MGA: variants seen among roughly 807,000 people sequenced by gnomAD.
MGA encodes the protein MAX dimerization protein MGA, also known as MAX gene-associated protein.
MGA carries 40 observed loss-of-function variants against 261.1 expected under a neutral mutation model. That is an observed-to-expected ratio of 0.15 (90% CI 0.12 to 0.20). The LOEUF (loss-of-function observed/expected upper bound fraction) is 0.20, where lower values mean the gene tolerates loss of function less well. Among genes scored for constraint, MGA ranks in the 10% least tolerant of loss-of-function variants. The probability of loss-of-function intolerance (pLI) is 1.00; values close to 1 mark genes in which losing one functional copy is unlikely to be tolerated. For missense variants in MGA, 3,397 were observed against 3,630.5 expected, an observed-to-expected ratio of 0.94 and a Z score of 1.65; for synonymous variants, 1,302 against 1,290.6, an observed-to-expected ratio of 1.01 and a Z score of -0.19.
upstream of MGA, among the ~76,000 whole-genome samples, chr15:41,656,405 G>T (rs1036146472): frequency 8.8e-6 from 1 of 113,550 alleles, no homozygotes; most frequent in Non-Finnish European, 1.9e-5. Context: ...GCAGTGGCAT[G>T]ATCTTGACTC....
chr15:41,734,671 C>A, intron 12 of MGA, 77 bp downstream of exon 12: 1 of 1,097,536 alleles, frequency 9.1e-7, no homozygotes, highest in Non-Finnish European at 1.3e-6. Flanking sequence ...GGAGAAAACC[C>A]AAACCATCAA....
At chr15:41,761,955 A>G (rs2063483044) in intron 21 of MGA, 105 bp downstream of exon 21, 1 of 1,035,998 alleles carries the variant, frequency 9.7e-7, no homozygotes, top group Non-Finnish European at 1.4e-6. Flanking sequence ...TGGCTCCCAC[A>G]GTTTACAGCA....
chr15:41,718,585 A>AG, intron 9 of MGA: 1 of 363,438 alleles, frequency 2.8e-6, no homozygotes, highest in Non-Finnish European at 5.3e-6. Flanking sequence ...TGCTTCTCGA[A>AG]GTGAGCATCA....
chr15:41,766,156 G>T lies in MGA; in HGVS notation c.8074G>T (p.Asp2692Tyr). The T allele has an allele frequency of 6.2e-7, 1 of 1,614,020 alleles. No individual in the cohort carries two copies. The highest frequency in any genetic ancestry group is 8.5e-7 in the Non-Finnish European group (1 of 1,179,896). The change falls in exon 24 of 24, where the codon GAT (aspartate) becomes TAT (tyrosine). Residue 2692 changes from aspartate (D) to tyrosine (Y), a missense_variant. By Grantham distance (160) the Asp-to-Tyr change is radical (BLOSUM62 -3). Coordinates refer to ENST00000219905, the MANE Select transcript of MGA (RefSeq NM_001164273.2). ...TCTGAAAGACACCGTCAGGAATGAA[G>T]ATAATTCCTTAGAGGATAAGGGTAG...
chr15:41,700,981 A>G (rs918075359), intron 5 of MGA, among the ~76,000 whole-genome samples: 6 of 152,214 alleles, frequency 3.9e-5, no homozygotes, highest in African/African-American at 1.4e-4. Flanking sequence ...CTTTAATGGA[A>G]GGCAGCTTGT....
chr15:41,641,903 C>T (rs2056829551), intron 1 of MGA, among the ~76,000 whole-genome samples: 3 of 152,012 alleles, frequency 2.0e-5, no homozygotes, highest in African/African-American at 7.3e-5. Context: ...TCAAGCAATC[C>T]TCCTGACTCA....
At position 41,711,447 on chromosome 15, in the gene MGA, C is replaced by T. The variant is rs148932422; in HGVS notation, c.3084+98C>T. 8.8e-5 allele frequency: 112 copies of T among 1,275,776 alleles called. 1 individual carries two copies. The East Asian group carries it at 2.7e-3, about 31-fold the overall frequency. The allele number at this position is 1,275,776 out of a possible 1,614,324, so 79.0% of individuals were successfully genotyped here. A position where few individuals can be genotyped will look rare whatever the true frequency, so the allele number is the denominator to read the frequency against. On this transcript the variant is annotated intron_variant, in intron 8 of 23. Transcript: ENST00000219905. ...GAATGGTACTTTTTGGCAGGGTGAT[C>T]AGCTAGTTTTTAGCATTTAGAACCT...
intron 2 of MGA, among the ~76,000 whole-genome samples, chr15:41,688,164 C>T (rs570500149): frequency 6.6e-6 from 1 of 152,262 alleles, no homozygotes; most frequent in African/African-American, 2.4e-5. Context: ...CAACATCTGC[C>T]TCCCGGGTTC....
intron 2 of MGA, among the ~76,000 whole-genome samples, chr15:41,677,128 A>G (rs926687848): frequency 1.3e-5 from 2 of 152,088 alleles, no homozygotes; most frequent in Non-Finnish European, 2.9e-5. Flanking sequence ...TTCTATTGTG[A>G]ATAATGGAGT....
At position 41,766,363 on chromosome 15, in the gene MGA, A is replaced by G. The variant is rs117344673; in HGVS notation, c.8281A>G (p.Ser2761Gly). The change falls in exon 24 of 24, where the codon AGT becomes GGT. Residue 2761 changes from serine to glycine, a missense_variant. Ser to Gly is a moderately conservative substitution (Grantham distance 56). Around this residue, in one of 9 missense-constraint regions of MGA, gnomAD observed 647 missense variants for 642.4 expected, o/e 1.01. Coordinates refer to ENST00000219905, the MANE Select transcript of MGA (RefSeq NM_001164273.2). ...AGGGATTCAGTATAAATGGAAAGAG[A>G]GTGAATCAAGAGGGGAGAGAGTGAA... 124 of 1,613,994 alleles carry G rather than the reference A, an allele frequency of 7.7e-5. No homozygotes were observed. The East Asian group carries it at 2.7e-3, about 35-fold the overall frequency.
chr15:41,766,265 C>T lies in MGA; in HGVS notation c.8183C>T (p.Pro2728Leu). 2 of 1,613,904 alleles carry T rather than the reference C, an allele frequency of 1.2e-6. No individual in the cohort carries two copies. The highest frequency in any genetic ancestry group is 1.7e-6 in the Non-Finnish European group (2 of 1,179,864). The change falls in exon 24 of 24, where the codon CCA becomes CTA. Residue 2728 changes from proline to leucine, a missense_variant. Coordinates refer to ENST00000219905, the MANE Select transcript of MGA (RefSeq NM_001164273.2). ...CTGGCAAACAAAGATTCTGGTTATC[C>T]ACAAATAGTTGACGTTTCCAATATG...
intron 17 of MGA, chr15:41,752,348 A>G (rs1010072045): frequency 2.0e-5 from 3 of 152,102 alleles, no homozygotes; most frequent in African/African-American, 7.2e-5. Context: ...TTTGACTTAT[A>G]CCTTCTCTCC....
chr15:41,641,487 CTTTTTTT>C (rs35157141), intron 1 of MGA, among the ~76,000 whole-genome samples: 2 of 123,690 alleles, frequency 1.6e-5, no homozygotes, highest in Non-Finnish European at 3.3e-5. Context: ...CATCCTAACA[CTTTTTTT>C]TTTTTTTTTT....
chr15:41,727,425 C>A lies in MGA; in HGVS notation c.3657+19C>A. 6.3e-7 allele frequency: 1 copy of A among 1,595,248 alleles called. No individual in the cohort carries two copies. Among genetic ancestry groups the A allele is most frequent in the Non-Finnish European group, 8.6e-7 (1 of 1,167,736 alleles). The stretch of plus-strand genomic sequence containing the variant: ...TCCTGTGGTAAGTCTGGAATTTAAT[C>A]TTTTATTACAAGTTACCAAAGTCAT... On this transcript the variant is annotated intron_variant, in intron 10 of 23. Transcript: ENST00000219905.
At chr15:41,654,952 A>C (rs1488371024) in intron 1 of MGA, among the ~76,000 whole-genome samples, 11 of 152,210 alleles carry the variant, frequency 7.2e-5, no homozygotes, top group Admixed American at 7.2e-4. Context: ...TTCTATTGCC[A>C]GATGGTGTCA....
chr15:41,739,839 T>A (rs2061993682), intron 13 of MGA, 67 bp from the exon 14 acceptor site: 1 of 1,480,482 alleles, frequency 6.8e-7, no homozygotes, highest in African/African-American at 1.4e-5. Context: ...ATGAAGCCCC[T>A]GTCAAGGGAG....
chr15:41,755,102 A>G (rs1235291264), intron 18 of MGA, among the ~76,000 whole-genome samples: 2 of 152,222 alleles, frequency 1.3e-5, no homozygotes, highest in Non-Finnish European at 2.9e-5. Flanking sequence ...AGATGAAAAT[A>G]TGAAAGGAAT....
intron 1 of MGA, among the ~76,000 whole-genome samples, chr15:41,646,001 G>GT (rs1566931054): frequency 6.6e-6 from 1 of 152,310 alleles, no homozygotes; most frequent in Non-Finnish European, 1.5e-5. Context: ...GAGCCATTCA[G>GT]TGTTCAATTA....
chr15:41,716,210 G>A (rs796861944), intron 9 of MGA, among the ~76,000 whole-genome samples: 11 of 152,022 alleles, frequency 7.2e-5, no homozygotes, highest in African/African-American at 1.4e-4. Context: ...CACTTTGGAC[G>A]GCTGAGGCGG....
Sources: gnomAD v4.1 joint callset for allele counts (sites outside exome capture counted in the v4.1 genomes callset) on GRCh38, gnomAD v4.1.1 for gene constraint, gnomAD v4.1.1 regional missense constraint, MANE v1.5 for transcripts, NCBI Gene and HGNC (gene_info 2026-07-23, HGNC 2026-07-21) for gene names.